Variants in GUCY1A2 observed in about 807,000 individuals in gnomAD.
The protein encoded by GUCY1A2 is guanylate cyclase 1 soluble subunit alpha 2, also known as guanylate cyclase soluble subunit alpha-2.
A neutral mutation model predicts 63.5 loss-of-function variants in GUCY1A2; 27 were observed. The observed-to-expected ratio is 0.43, with a 90% CI of 0.31 to 0.59. GUCY1A2 has a LOEUF of 0.59. Ranked by LOEUF, GUCY1A2 falls within the 20% of genes least tolerant of loss-of-function variation. The probability of loss-of-function intolerance (pLI) is 0.11; values close to 1 mark genes in which losing one functional copy is unlikely to be tolerated. For synonymous variants in GUCY1A2, 364 were observed against 343.5 expected (o/e 1.06, Z -0.66); for missense variants, 768 against 913.3 (o/e 0.84, Z 2.05).
chr11:106,944,530 T>C (rs1280014565), intron 3 of GUCY1A2, among the ~76,000 whole-genome samples: 2 of 152,044 alleles, frequency 1.3e-5, no homozygotes, highest in Non-Finnish European at 1.5e-5. Flanking sequence ...TCACAAAAAA[T>C]AACTGAACGG....
At chr11:106,774,799 C>G (rs892148860) in intron 6 of GUCY1A2, among the ~76,000 whole-genome samples, 1 of 152,152 alleles carries the variant, frequency 6.6e-6, no homozygotes, top group Non-Finnish European at 1.5e-5. Context: ...TGAACAAGCT[C>G]TTGCTTCATC....
chr11:106,933,513 C>T lies in GUCY1A2; in HGVS notation c.1206+5947G>A, dbSNP rs150582436. Among the ~76,000 whole-genome samples the T allele has an allele frequency of 9.9e-5, 15 of 152,188 alleles. No individual in the cohort carries two copies. In the East Asian group the frequency reaches 2.9e-3, roughly 29 times the overall value. ...TTGTTGGTGGGACTATAAATTAGTT[C>T]AGCGTTTGTGAAAAACAGTTTGGAG... On this transcript the variant is annotated intron_variant, in intron 4 of 7. Transcript: ENST00000526355.
chr11:107,011,264 A>G (rs1861740288), intron 1 of GUCY1A2, among the ~76,000 whole-genome samples: 2 of 152,132 alleles, frequency 1.3e-5, no homozygotes, highest in Non-Finnish European at 2.9e-5. Flanking sequence ...ACTCATGATC[A>G]ACAATGTATG....
At chr11:106,962,427 T>C (rs937752666) in intron 3 of GUCY1A2, among the ~76,000 whole-genome samples, 2 of 151,502 alleles carry the variant, frequency 1.3e-5, no homozygotes, top group Admixed American at 1.3e-4. Context: ...TGGTAGCATG[T>C]GCCTGTAGTC....
intron 5 of GUCY1A2, among the ~76,000 whole-genome samples, chr11:106,783,236 AGTGATGGGCAT>A (rs1864496446): frequency 6.6e-6 from 1 of 152,224 alleles, no homozygotes; most frequent in South Asian, 2.1e-4. Flanking sequence ...GCTTAGACAA[AGTGATGGGCAT>A]GTTCATAAAA....
chr11:106,827,188 C>A, intron 4 of GUCY1A2: 1 of 1,509,526 alleles, frequency 6.6e-7, no homozygotes, highest in Middle Eastern at 1.7e-4. Flanking sequence ...CCAATCTGGT[C>A]CCAACGCACT....
chr11:106,796,229 A>G (rs1379916577), intron 5 of GUCY1A2, among the ~76,000 whole-genome samples: 1 of 152,110 alleles, frequency 6.6e-6, no homozygotes. Flanking sequence ...TCTCCTGAAT[A>G]CAGCACACTG....
intron 6 of GUCY1A2, among the ~76,000 whole-genome samples, chr11:106,761,823 C>A (rs1370075883): frequency 1.3e-5 from 2 of 152,042 alleles, no homozygotes; most frequent in African/African-American, 2.4e-5. Flanking sequence ...GCCTTCTTAA[C>A]CACAAAGTAA....
chr11:106,827,906 G>A (rs1426378261), intron 4 of GUCY1A2: 1 of 1,454,436 alleles, frequency 6.9e-7, no homozygotes. Flanking sequence ...CGGACTCCCA[G>A]TGGTTTACTG....
chr11:106,872,476 G>GA (rs1859692897), intron 4 of GUCY1A2, among the ~76,000 whole-genome samples: 1 of 152,114 alleles, frequency 6.6e-6, no homozygotes, highest in Non-Finnish European at 1.5e-5. Flanking sequence ...TAGTTTGAAT[G>GA]ACTGGAACTT....
At chr11:106,822,707 T>G (rs987828043) in intron 4 of GUCY1A2, among the ~76,000 whole-genome samples, 2 of 152,180 alleles carry the variant, frequency 1.3e-5, no homozygotes, top group African/African-American at 4.8e-5. Context: ...AGAGGTTTGG[T>G]CTCAAAAAGT....
In GUCY1A2 at chr11:106,861,161, C is replaced by T. The variant is rs147375779; in HGVS notation, c.1207-50683G>A. On this transcript the variant is annotated intron_variant, in intron 4 of 7. Coordinates refer to ENST00000526355, the MANE Select transcript of GUCY1A2 (RefSeq NM_000855.3). Reference sequence around the variant, plus strand: ...GATAAACCCAGTCTCTAGTTTCACACTGCAAAGATGTCTCCAAGGTTGCAG... The same window carrying T: ...GATAAACCCAGTCTCTAGTTTCACATTGCAAAGATGTCTCCAAGGTTGCAG... Among the ~76,000 whole-genome samples, 75 of 152,068 alleles carry T rather than the reference C, an allele frequency of 4.9e-4. 1 individual carries two copies. The East Asian group carries it at 0.011, about 23-fold the overall frequency.
chr11:106,809,212 C>T (rs1178578926), intron 5 of GUCY1A2, among the ~76,000 whole-genome samples: 1 of 152,056 alleles, frequency 6.6e-6, no homozygotes, highest in Non-Finnish European at 1.5e-5. Context: ...CTGCAGCTCA[C>T]AACTATTTAT....
chr11:106,848,882 G>A (rs553014477), intron 4 of GUCY1A2, among the ~76,000 whole-genome samples: 2 of 151,460 alleles, frequency 1.3e-5, no homozygotes, highest in South Asian at 4.2e-4. Context: ...AGTATTTTCA[G>A]CATTTGTTTT....
chr11:106,980,400 G>A (rs549494890), intron 2 of GUCY1A2, among the ~76,000 whole-genome samples: 2 of 152,194 alleles, frequency 1.3e-5, no homozygotes, highest in East Asian at 1.9e-4. Flanking sequence ...ACAGCCAAGA[G>A]AGGACTGCTA....
intron 2 of GUCY1A2, among the ~76,000 whole-genome samples, chr11:106,984,506 C>T (rs1043536086): frequency 1.3e-5 from 2 of 152,094 alleles, no homozygotes; most frequent in East Asian, 1.9e-4. Context: ...ATTTTGATCA[C>T]ATTATAAGAG....
At chr11:106,709,511 A>C (rs1455891784) in intron 6 of GUCY1A2, among the ~76,000 whole-genome samples, 1 of 53,614 alleles carries the variant, frequency 1.9e-5, no homozygotes, top group Non-Finnish European at 3.0e-5. Context: ...AATATATATT[A>C]TTCTATAAAT....
Position 106,897,549 on chromosome 11 carries a change from A to G in GUCY1A2, c.1206+41911T>C, listed in dbSNP as rs566685679. On this transcript the variant is annotated intron_variant, in intron 4 of 7. Transcript: ENST00000526355. Reference sequence around the variant, plus strand: ...AGACCCCAGAAATAGAACTACAAATATATATATATAGTAAAACTGATCTTT... The same window carrying G: ...AGACCCCAGAAATAGAACTACAAATGTATATATATAGTAAAACTGATCTTT... Among the ~76,000 whole-genome samples, 3 of 151,966 alleles carry G rather than the reference A, an allele frequency of 2.0e-5. No homozygotes were observed. The East Asian group carries it at 5.8e-4, about 29-fold the overall frequency.
At chr11:106,919,006 T>G (rs925605164) in intron 4 of GUCY1A2, among the ~76,000 whole-genome samples, 1 of 152,170 alleles carries the variant, frequency 6.6e-6, no homozygotes, top group Non-Finnish European at 1.5e-5. Context: ...CAGACTATAA[T>G]TACATTCATT....
Sources: allele counts gnomAD v4.1 joint callset (sites outside exome capture counted in the v4.1 genomes callset), GRCh38; gene constraint gnomAD v4.1.1; transcripts MANE v1.5; gene names NCBI Gene and HGNC (gene_info 2026-07-23, HGNC 2026-07-21).